LNPEP: variants seen among roughly 807,000 people sequenced by gnomAD.
LNPEP encodes the protein leucyl and cystinyl aminopeptidase.
Under a neutral mutation model 120.6 loss-of-function variants are expected in LNPEP, and 64 were observed. The observed-to-expected ratio is 0.53, with a 90% CI of 0.43 to 0.65. The LOEUF is 0.65. Ranked by LOEUF, LNPEP falls within the 30% of genes least tolerant of loss-of-function variation. The pLI, the probability that LNPEP is intolerant of heterozygous loss-of-function variation, is 0.00. For synonymous variants in LNPEP, 435 were observed against 425.4 expected, an observed-to-expected ratio of 1.02 and a Z score of -0.28; for missense variants, 1,057 against 1,200.0, an observed-to-expected ratio of 0.88 and a Z score of 1.76.
At chr5:97,012,534 G>T (rs1232264825) in intron 11 of LNPEP, among the ~76,000 whole-genome samples, 1 of 152,004 alleles carries the variant, frequency 6.6e-6, no homozygotes, top group African/African-American at 2.4e-5. Flanking sequence ...TACCTGCTAG[G>T]TCATTGTTAT....
At chr5:96,994,485 T>C (rs1790461776) in intron 6 of LNPEP, among the ~76,000 whole-genome samples, 2 of 150,686 alleles carry the variant, frequency 1.3e-5, no homozygotes, top group South Asian at 4.2e-4. Flanking sequence ...TTTTTTCATC[T>C]CCTGCCGGAA....
intron 3 of LNPEP, among the ~76,000 whole-genome samples, 159 bp downstream of exon 3, chr5:96,985,377 A>T (rs1408269210): frequency 1.3e-5 from 2 of 152,180 alleles, no homozygotes; most frequent in African/African-American, 4.8e-5. Flanking sequence ...ATATATTGGC[A>T]TCAGTTGGGA....
chr5:97,006,064 A>G lies in LNPEP; in HGVS notation c.1786-9A>G. On this transcript the variant is annotated splice_polypyrimidine_tract_variant and intron_variant, in intron 9 of 17. Transcript: ENST00000231368. ...AAAAGTTTTATATATATATATATAT[A>G]TTTTGTAGGTCACAAACCAAACACT... The G allele has an allele frequency of 8.9e-7, 1 of 1,129,146 alleles. No individual in the cohort carries two copies. Among genetic ancestry groups the G allele is most frequent in the Non-Finnish European group, 1.2e-6 (1 of 839,694 alleles). 69.9% of individuals were successfully genotyped at this position (1,129,146 alleles called of 1,614,324 possible).
chr5:96,986,610 C>T lies in LNPEP; in HGVS notation c.1071C>T (p.Tyr357=), dbSNP rs1324354729. 1.2e-6 allele frequency: 2 copies of T among 1,613,570 alleles called. No homozygotes were observed. Among genetic ancestry groups the T allele is most frequent in the Non-Finnish European group, 8.5e-7 (1 of 1,179,606 alleles). Residue 357 remains tyrosine, a synonymous_variant, in exon 4 of 18, where the codon TAC becomes TAT. Coordinates refer to ENST00000231368, the MANE Select transcript of LNPEP (RefSeq NM_005575.3). The stretch of plus-strand genomic sequence containing the variant: ...CTGAGAGTGTGAAGATGAGCACTTA[C>T]TTGGTTGCTTTCATTGTGGGAGAGA... ...EFSESVKMST[Y]LVAFIVGEMK...
At chr5:96,954,671 T>C (rs944765655) in intron 1 of LNPEP, among the ~76,000 whole-genome samples, 1 of 108,522 alleles carries the variant, frequency 9.2e-6, no homozygotes, top group Non-Finnish European at 1.9e-5. Context: ...TATATACATA[T>C]ATACACATAT....
chr5:96,970,610 A>AT (rs140336797), intron 1 of LNPEP, among the ~76,000 whole-genome samples: 55,718 of 151,198 alleles, frequency 0.37, 10,382 homozygotes, highest in Non-Finnish European at 0.41. Context: ...TCCTTTATTC[A>AT]TTTTTTTTGG....
intron 1 of LNPEP, among the ~76,000 whole-genome samples, chr5:96,967,643 A>C (rs1789762057): frequency 6.6e-6 from 1 of 152,114 alleles, no homozygotes; most frequent in Non-Finnish European, 1.5e-5. Flanking sequence ...CCAGCCCCAC[A>C]GCAGGTATTA....
intron 1 of LNPEP, among the ~76,000 whole-genome samples, chr5:96,963,742 A>G (rs1239264552): frequency 6.6e-6 from 1 of 152,154 alleles, no homozygotes; most frequent in Non-Finnish European, 1.5e-5. Context: ...TTTAAAAAAG[A>G]ATGTTTTGTT....
chr5:96,956,744 G>A (rs530077127), intron 1 of LNPEP, among the ~76,000 whole-genome samples: 1 of 152,234 alleles, frequency 6.6e-6, no homozygotes, highest in East Asian at 1.9e-4. Flanking sequence ...TTTTTCTCCA[G>A]TCATTCTGGG....
chr5:97,003,327 G>T (rs1454260189), intron 8 of LNPEP, 88 bp from the exon 9 acceptor site: 12 of 755,602 alleles, frequency 1.6e-5, no homozygotes, highest in Non-Finnish European at 2.0e-5. Flanking sequence ...TTTTTAGAAT[G>T]ACTGTAGTTT....
chr5:96,971,864 A>G (rs888873354), intron 1 of LNPEP, among the ~76,000 whole-genome samples: 1 of 152,080 alleles, frequency 6.6e-6, no homozygotes, highest in Admixed American at 6.6e-5. Flanking sequence ...CAATTGAAAA[A>G]TAATAAAACA....
intron 1 of LNPEP, 86 bp downstream of exon 1, chr5:96,936,260 A>G: frequency 2.6e-6 from 3 of 1,156,904 alleles, no homozygotes; most frequent in Non-Finnish European, 3.4e-6. Flanking sequence ...GTCGGGCTGC[A>G]GCCGTCTCCC....
rs896970065 is a variant in LNPEP at position 97,024,464 on chromosome 5, G to A, written c.2562-57G>A. 6.6e-5 allele frequency: 100 copies of A among 1,516,692 alleles called. No homozygotes were observed. In the Middle Eastern group the frequency reaches 8.7e-4, roughly 13 times the overall value. The allele number at this position is 1,516,692 out of a possible 1,614,324, so 94.0% of individuals were successfully genotyped here. On this transcript the variant is annotated intron_variant, in intron 14 of 17. Transcript: ENST00000231368. ...GAAACTCCACCACAGCCAACTCTTC[G>A]CCTTTGTATTCAGAATATTTTCTTG...
At chr5:96,954,725 TATATATATAC>T (rs1391789637) in intron 1 of LNPEP, among the ~76,000 whole-genome samples, 3 of 111,494 alleles carry the variant, frequency 2.7e-5, no homozygotes, top group African/African-American at 7.2e-5. Context: ...TATATATACA[TATATATATAC>T]ATATATATAT....
chr5:96,983,978 C>A (rs1239086622), intron 2 of LNPEP, among the ~76,000 whole-genome samples: 5 of 152,022 alleles, frequency 3.3e-5, no homozygotes, highest in African/African-American at 9.7e-5. Flanking sequence ...TCTTAATAAT[C>A]TTCCATCAGA....
At chr5:97,013,298 G>T (rs1582027896) in intron 11 of LNPEP, among the ~76,000 whole-genome samples, 1 of 152,046 alleles carries the variant, frequency 6.6e-6, no homozygotes, top group Admixed American at 6.6e-5. Flanking sequence ...TTTTCTATGT[G>T]CATTCGTTGA....
chr5:96,989,061 A>G (rs1790310828), intron 4 of LNPEP, among the ~76,000 whole-genome samples: 1 of 151,594 alleles, frequency 6.6e-6, no homozygotes, highest in Non-Finnish European at 1.5e-5. Flanking sequence ...AGAGATAGAG[A>G]AGTTTTAGAT....
chr5:97,020,944 A>C (rs1273964904), intron 13 of LNPEP, among the ~76,000 whole-genome samples: 1 of 152,204 alleles, frequency 6.6e-6, no homozygotes, highest in Non-Finnish European at 1.5e-5. Flanking sequence ...CACAACTTGC[A>C]GAATGGAAAT....
intron 1 of LNPEP, chr5:96,936,529 G>C (rs56009267): frequency 0.041 from 8,186 of 198,808 alleles, 271 homozygotes; most frequent in Middle Eastern, 0.1. Context: ...CGACTCTCCT[G>C]TAGGAGCGTT....
Sources: allele counts gnomAD v4.1 joint callset (sites outside exome capture counted in the v4.1 genomes callset), GRCh38; gene constraint gnomAD v4.1.1; transcripts MANE v1.5; gene names NCBI Gene and HGNC (gene_info 2026-07-23, HGNC 2026-07-21).